Variants in AZI2 observed in about 807,000 individuals in gnomAD.
The protein encoded by AZI2 is 5-azacytidine-induced protein 2.
AZI2 carries 22 observed loss-of-function variants against 45.8 expected under a neutral mutation model. That is an observed-to-expected ratio of 0.48 (90% confidence interval 0.34 to 0.69). AZI2 has a LOEUF of 0.69. Ranked by LOEUF, AZI2 falls within the 30% of genes least tolerant of loss-of-function variation. AZI2 has a pLI of 0.01. For synonymous variants in AZI2, 137 were observed against 156.7 expected (o/e 0.87, Z 0.94); for missense variants, 417 against 441.5 (o/e 0.94, Z 0.50).
chr3:28,342,403 G>A (rs1021344894), intron 1 of AZI2, among the ~76,000 whole-genome samples: 25 of 152,084 alleles, frequency 1.6e-4, no homozygotes, highest in African/African-American at 6.0e-4. Context: ...CCAAGAACAA[G>A]AATAGACTAT....
chr3:28,343,838 C>T (rs1455698800), intron 1 of AZI2, among the ~76,000 whole-genome samples: 1 of 151,984 alleles, frequency 6.6e-6, no homozygotes, highest in Admixed American at 6.6e-5. Context: ...TACAAAAGTA[C>T]TTTACATGGA....
intron 4 of AZI2, 73 bp downstream of exon 4, chr3:28,337,864 A>C: frequency 1.0e-6 from 1 of 957,364 alleles, no homozygotes; most frequent in South Asian, 2.4e-5. Flanking sequence ...GATACAGAAA[A>C]CTGTTGATAT....
intron 7 of AZI2, among the ~76,000 whole-genome samples, chr3:28,326,029 ATAAG>A (rs1703373887): frequency 6.6e-6 from 1 of 151,140 alleles, no homozygotes; most frequent in Non-Finnish European, 1.5e-5. Flanking sequence ...TGAAATATAA[ATAAG>A]TAATTTTAAA....
chr3:28,337,988 A>T lies in AZI2; in HGVS notation c.388T>A (p.Ser130Thr), dbSNP rs1703862478. 6.2e-7 allele frequency: 1 copy of T among 1,601,520 alleles called. No homozygotes were observed. The change falls in exon 4 of 8, where the codon TCT (serine) becomes ACT (threonine). Residue 130 changes from serine (S) to threonine (T), a missense_variant. Coordinates refer to ENST00000479665, the MANE Select transcript of AZI2 (RefSeq NM_022461.5). ...SLKVLNEQLQ[S>T]KEVELLQLRT... ...AGCTGGAGGAGTTCTACTTCTTTAGATTGTAGCTGCTCATTCAATACTTTC... is the reference window on the plus strand; with the variant it reads ...AGCTGGAGGAGTTCTACTTCTTTAGTTTGTAGCTGCTCATTCAATACTTTC...
intron 6 of AZI2, among the ~76,000 whole-genome samples, chr3:28,327,909 C>A (rs975260959): frequency 2.0e-5 from 3 of 150,350 alleles, no homozygotes; most frequent in Non-Finnish European, 4.5e-5. Flanking sequence ...GTACAGAAAT[C>A]AAACTAGACA....
At chr3:28,327,029 G>C in intron 6 of AZI2, 79 bp from the exon 7 acceptor site, 1 of 987,380 alleles carries the variant, frequency 1.0e-6, no homozygotes, top group Non-Finnish European at 1.5e-6. Flanking sequence ...GAAATATGCA[G>C]ATCAAGTTTC....
chr3:28,332,338 G>A (rs371749088), intron 6 of AZI2, 31 bp downstream of exon 6: 150 of 1,559,846 alleles, frequency 9.6e-5, no homozygotes, highest in Non-Finnish European at 1.2e-4. Flanking sequence ...AGAAGACAAC[G>A]TATTGTCTTA....
At chr3:28,335,117 T>C (rs138875369) in intron 5 of AZI2, among the ~76,000 whole-genome samples, 290 of 152,022 alleles carry the variant, frequency 1.9e-3, no homozygotes, top group African/African-American at 6.6e-3. Flanking sequence ...TTAACCTTCA[T>C]GAAAAAAGGT....
intron 2 of AZI2, 151 bp downstream of exon 2, chr3:28,340,251 G>A (rs1703958537): frequency 1.7e-6 from 1 of 595,428 alleles, no homozygotes; most frequent in Non-Finnish European, 3.0e-6. Context: ...CACAGGATAA[G>A]TATAATGCCC....
intron 6 of AZI2, among the ~76,000 whole-genome samples, chr3:28,328,215 T>C (rs188191363): frequency 6.6e-6 from 1 of 151,210 alleles, no homozygotes; most frequent in African/African-American, 2.4e-5. Context: ...GTTCACAAAA[T>C]TAACCATGTC....
chr3:28,336,913 TTA>T (rs1398778661), intron 4 of AZI2, 28 bp from the exon 5 acceptor site: 1 of 1,607,230 alleles, frequency 6.2e-7, no homozygotes, highest in Admixed American at 1.7e-5. Context: ...ACTGAAATTG[TTA>T]TCTTTTCCTT....
chr3:28,348,168 C>A (rs1458857483), intron 1 of AZI2: 1 of 152,158 alleles, frequency 6.6e-6, no homozygotes, highest in Non-Finnish European at 1.5e-5. Flanking sequence ...TACCTGTTAG[C>A]CCTCGATCAA....
At chr3:28,334,116 A>G (rs1374958774) in intron 5 of AZI2, among the ~76,000 whole-genome samples, 1 of 151,732 alleles carries the variant, frequency 6.6e-6, no homozygotes, top group Non-Finnish European at 1.5e-5. Flanking sequence ...ATATTAATGA[A>G]CTGAGTTCCC....
At position 28,325,444 on chromosome 3, in the gene AZI2, G is replaced by GC. The variant is rs1703353494; in HGVS notation, c.767-991_767-990insG. Among the ~76,000 whole-genome samples, 3 of 150,926 alleles carry GC rather than the reference G, an allele frequency of 2.0e-5. No individual in the cohort carries two copies. In the South Asian group the frequency reaches 6.2e-4, roughly 31 times the overall value. ...AACTGGAAGTGTAGTGTTTGGCTTT[G>GC]GAAAAAAGGTGATACAAAGGTCAGG... On this transcript the variant is annotated intron_variant, in intron 7 of 7. Coordinates refer to ENST00000479665, the MANE Select transcript of AZI2 (RefSeq NM_022461.5).
At chr3:28,348,084 T>G (rs567101983) in intron 1 of AZI2, 1 of 152,314 alleles carries the variant, frequency 6.6e-6, no homozygotes, top group African/African-American at 2.4e-5. Context: ...TTGCACGTAG[T>G]AGTAGTTACT....
chr3:28,321,327 A>AATC lies in AZI2; in HGVS notation c.*2712_*2714dup, dbSNP rs1229726665. 1 of 151,476 alleles carries AATC rather than the reference A, an allele frequency of 6.6e-6. No individual in the cohort carries two copies. The highest frequency in any genetic ancestry group is 1.5e-5 in the Non-Finnish European group (1 of 67,580). 9.4% of individuals were successfully genotyped at this position (151,476 alleles called of 1,614,324 possible). A position where few individuals can be genotyped will look rare whatever the true frequency, so the allele number is the denominator to read the frequency against. ...ACTTTAAGAAGCTAGTGAAATATAC[A>AATC]ATCTATTTTATAGCTTTGATTAAAA... On this transcript the variant is annotated 3_prime_UTR_variant, in exon 8 of 8. Coordinates refer to ENST00000479665, the MANE Select transcript of AZI2 (RefSeq NM_022461.5).
At chr3:28,341,781 T>C (rs1448552090) in intron 1 of AZI2, 1 of 152,146 alleles carries the variant, frequency 6.6e-6, no homozygotes, top group Non-Finnish European at 1.5e-5. Context: ...ATTTCATGTA[T>C]CTTAGATCAG....
intron 7 of AZI2, among the ~76,000 whole-genome samples, chr3:28,325,587 A>G (rs1219796209): frequency 6.6e-6 from 1 of 151,078 alleles, no homozygotes; most frequent in Non-Finnish European, 1.5e-5. Flanking sequence ...TATGTTCCAA[A>G]GCACCGAAAA....
chr3:28,327,060 T>G (rs1703416157), intron 6 of AZI2, 110 bp from the exon 7 acceptor site: 2 of 705,554 alleles, frequency 2.8e-6, no homozygotes, highest in Non-Finnish European at 4.7e-6. Flanking sequence ...AGTTTTGAGA[T>G]GATGTAAACT....
Sources: gnomAD v4.1 joint callset for allele counts (sites outside exome capture counted in the v4.1 genomes callset) on GRCh38, gnomAD v4.1.1 for gene constraint, MANE v1.5 for transcripts, NCBI Gene and HGNC (gene_info 2026-07-23, HGNC 2026-07-21) for gene names.